Variants in CELF2 observed in about 807,000 individuals in gnomAD.
CELF2 encodes CUGBP Elav-like family member 2.
Under a neutral mutation model 62.6 loss-of-function variants are expected in CELF2, and 8 were observed. The ratio of observed to expected loss-of-function variants is 0.13; its 90% confidence interval spans 0.07 to 0.23. The LOEUF is 0.23. Ranked by LOEUF, CELF2 falls within the 10% of genes least tolerant of loss-of-function variation. CELF2 has a pLI of 1.00. For synonymous variants in CELF2, 258 were observed against 250.0 expected (o/e 1.03, Z -0.30); for missense variants, 333 against 671.0 (o/e 0.50, Z 5.56).
intron 3 of CELF2, among the ~76,000 whole-genome samples, chr10:11,228,657 C>A (rs1465950923): frequency 4.1e-5 from 6 of 146,638 alleles, no homozygotes; most frequent in Non-Finnish European, 8.9e-5. Context: ...TTGACTAGTT[C>A]TTTGGTGTCT....
At chr10:11,184,775 AG>A (rs2074382907) in intron 2 of CELF2, among the ~76,000 whole-genome samples, 1 of 152,206 alleles carries the variant, frequency 6.6e-6, no homozygotes, top group South Asian at 2.1e-4. Flanking sequence ...AACTCATTCT[AG>A]TAGCTTTTTT....
chr10:10,565,177 C>T, the CELF2 span, among the ~76,000 whole-genome samples: 1 of 152,204 alleles, frequency 6.6e-6, no homozygotes, highest in African/African-American at 2.4e-5. Context: ...TCAAGTGGCC[C>T]AGGCTATTAT....
In CELF2 at chr10:11,318,496, A is replaced by C; in HGVS notation, c.1097-2693A>C. 1 of 347,658 alleles carries C rather than the reference A, an allele frequency of 2.9e-6. No homozygotes were observed. Among genetic ancestry groups the C allele is most frequent in the Admixed American group, 4.0e-5 (1 of 24,932 alleles). 21.5% of individuals were successfully genotyped at this position (347,658 alleles called of 1,614,324 possible). A position where few individuals can be genotyped will look rare whatever the true frequency, so the allele number is the denominator to read the frequency against. ...ACATGCACAGCACCAGCAGAAGTAA[A>C]CACGACCCTTCCAGAAAGCAGATTA... On this transcript the variant is annotated intron_variant, in intron 10 of 12. Transcript: ENST00000633077. The surrounding 1 kb of genome is among the most constrained non-coding windows in gnomAD (Gnocchi z 5.4).
At chr10:11,310,480 G>C (rs2094505559) in intron 9 of CELF2, among the ~76,000 whole-genome samples, 1 of 151,972 alleles carries the variant, frequency 6.6e-6, no homozygotes, top group African/African-American at 2.4e-5. Context: ...TATACACTTA[G>C]GACAATTTCC....
chr10:10,627,085 C>T, the CELF2 span, among the ~76,000 whole-genome samples: 1 of 152,276 alleles, frequency 6.6e-6, no homozygotes, highest in African/African-American at 2.4e-5. Flanking sequence ...GTTCCTGGGC[C>T]ACGTGATTAA....
At chr10:10,691,384 A>G in the CELF2 span, among the ~76,000 whole-genome samples, 1 of 146,184 alleles carries the variant, frequency 6.8e-6, no homozygotes, top group African/African-American at 2.5e-5. Flanking sequence ...TATGTGCCAC[A>G]TTTTCTTAAT....
At chr10:11,111,145 G>A (rs915670902) in intron 1 of CELF2, among the ~76,000 whole-genome samples, 1 of 152,174 alleles carries the variant, frequency 6.6e-6, no homozygotes, top group African/African-American at 2.4e-5. Flanking sequence ...TTTATTAATG[G>A]AGTGCTTTTT....
the CELF2 span, among the ~76,000 whole-genome samples, chr10:10,624,043 G>A: frequency 6.6e-6 from 1 of 152,162 alleles, no homozygotes; most frequent in Non-Finnish European, 1.5e-5. Flanking sequence ...TTCTGCTCTT[G>A]TCTCTGCGTT....
chr10:11,275,237 T>C, intron 8 of CELF2, 117 bp downstream of exon 8: 1 of 1,060,764 alleles, frequency 9.4e-7, no homozygotes, highest in Non-Finnish European at 1.4e-6. Context: ...TCAGACTTGT[T>C]AGCTTTCTGT....
chr10:11,133,175 A>G (rs555479461), intron 1 of CELF2, among the ~76,000 whole-genome samples: 2 of 152,352 alleles, frequency 1.3e-5, no homozygotes, highest in Admixed American at 6.5e-5. Context: ...AGGCAAACAC[A>G]TCTAACTTCT....
At chr10:11,116,141 G>C (rs2056503455) in intron 1 of CELF2, among the ~76,000 whole-genome samples, 1 of 152,106 alleles carries the variant, frequency 6.6e-6, no homozygotes, top group South Asian at 2.1e-4. Context: ...TTAATGTTTT[G>C]AATTGCTTCT....
At chr10:11,099,366 T>C (rs2050799066) in intron 1 of CELF2, among the ~76,000 whole-genome samples, 1 of 152,222 alleles carries the variant, frequency 6.6e-6, no homozygotes, top group Non-Finnish European at 1.5e-5. Context: ...TTTAATAACA[T>C]TTTTGAAGGA....
chr10:10,534,131 A>C, the CELF2 span, among the ~76,000 whole-genome samples: 1 of 151,896 alleles, frequency 6.6e-6, no homozygotes, highest in African/African-American at 2.4e-5. Flanking sequence ...AAAAAAATAA[A>C]AGGCAACTGT....
At chr10:10,616,691 C>CAT in the CELF2 span, among the ~76,000 whole-genome samples, 1 of 134,428 alleles carries the variant, frequency 7.4e-6, no homozygotes, top group Non-Finnish European at 1.6e-5. Flanking sequence ...TGTGTGTGTG[C>CAT]GTGTGTGTGT....
At position 11,302,232 on chromosome 10, in the gene CELF2, C is replaced by T. The variant is rs1255828093; in HGVS notation, c.977-11907C>T. 3.3e-5 allele frequency among the ~76,000 whole-genome samples: 5 copies of T among 152,200 alleles called. No homozygotes were observed. The highest frequency in any genetic ancestry group is 1.2e-4 in the African/African-American group (5 of 41,450). ...CTTCCCACTCCCTGCAGCCTCTCAC[C>T]TTCTCATGCCTCAGAATCAAGTTTT... On this transcript the variant is annotated intron_variant, in intron 9 of 12. Transcript: ENST00000633077. The surrounding 1 kb of genome is among the most constrained non-coding windows in gnomAD (Gnocchi z 5.0).
chr10:10,523,164 A>G, the CELF2 span, among the ~76,000 whole-genome samples: 3 of 152,220 alleles, frequency 2.0e-5, no homozygotes, highest in Non-Finnish European at 4.4e-5. Context: ...TCAACCTACC[A>G]GATTCTTACA....
At chr10:10,745,810 G>A in the CELF2 span, among the ~76,000 whole-genome samples, 1 of 152,178 alleles carries the variant, frequency 6.6e-6, no homozygotes, top group Non-Finnish European at 1.5e-5. Context: ...TATCACCGTT[G>A]GGAATTTCTC....
intron 2 of CELF2, among the ~76,000 whole-genome samples, chr10:10,950,391 G>A (rs953979630): frequency 4.6e-5 from 7 of 152,176 alleles, no homozygotes; most frequent in African/African-American, 1.7e-4. Flanking sequence ...AAAGAGTCAG[G>A]ATTTCACATG....
chr10:11,113,405 T>C (rs1161819596), intron 1 of CELF2, among the ~76,000 whole-genome samples: 1 of 152,160 alleles, frequency 6.6e-6, no homozygotes, highest in East Asian at 1.9e-4. Flanking sequence ...ATAGGAGGCG[T>C]TCTCCTCTAT....
Sources: allele counts gnomAD v4.1 joint callset (sites outside exome capture counted in the v4.1 genomes callset), GRCh38; gene constraint gnomAD v4.1.1; non-coding constraint Gnocchi (gnomAD v3.1); transcripts MANE v1.5; gene names NCBI Gene and HGNC (gene_info 2026-07-23, HGNC 2026-07-21).